The following FGF10 variants were observed in gnomAD, a reference collection of about 807,000 sequenced individuals.
FGF10 encodes the protein fibroblast growth factor 10, also known as FGF-10.
FGF10 carries 2 observed loss-of-function variants against 19.8 expected under a neutral mutation model. That is an observed-to-expected ratio of 0.10 (90% CI 0.04 to 0.32). The LOEUF is 0.32. FGF10 is among the 10% of genes least tolerant of loss of function. FGF10 has a pLI of 1.00. For synonymous variants in FGF10, 112 were observed against 94.0 expected (o/e 1.19, Z -1.10); for missense variants, 191 against 246.3 (o/e 0.78, Z 1.50).
chr5:44,351,783 G>A (rs1009564704), intron 1 of FGF10, among the ~76,000 whole-genome samples: 46 of 151,632 alleles, frequency 3.0e-4, no homozygotes, highest in African/African-American at 1.9e-4. Context: ...GGAGTCAATA[G>A]TTTATGATTC....
intron 1 of FGF10, among the ~76,000 whole-genome samples, chr5:44,349,451 T>TATATATATATATATATATATCAGA (rs1741178685): frequency 2.7e-3 from 45 of 16,702 alleles, no homozygotes; most frequent in Non-Finnish European, 5.0e-3. Flanking sequence ...TATATATATA[T>TATATATATATATATATATATCAGA]ATATATATAT....
intron 1 of FGF10, among the ~76,000 whole-genome samples, chr5:44,381,542 G>A (rs1397807466): frequency 1.3e-5 from 2 of 151,938 alleles, no homozygotes; most frequent in Non-Finnish European, 2.9e-5. Context: ...AACTATTAGG[G>A]ATTTACAATG....
chr5:44,387,222 A>G lies in FGF10; in HGVS notation c.325+1136T>C, dbSNP rs1742120848. On this transcript the variant is annotated intron_variant, in intron 1 of 2. Coordinates refer to ENST00000264664, the MANE Select transcript of FGF10 (RefSeq NM_004465.2). ...AAAGTATCTGAGAAAGGAAGTCAAC[A>G]GAGTAATCTGGGTTTGCTGGGTTGA... is the stretch of plus-strand genomic sequence containing the variant. 3.9e-5 allele frequency among the ~76,000 whole-genome samples: 6 copies of G among 152,360 alleles called. No homozygotes were observed. The South Asian group carries it at 1.2e-3, about 32-fold the overall frequency.
At chr5:44,323,323 T>C (rs1297209512) in intron 1 of FGF10, among the ~76,000 whole-genome samples, 7 of 152,198 alleles carry the variant, frequency 4.6e-5, no homozygotes, top group Non-Finnish European at 8.8e-5. Context: ...TTAGAGAAAG[T>C]ACTTTCATAG....
chr5:44,350,240 T>G, intron 1 of FGF10, among the ~76,000 whole-genome samples: 1 of 150,700 alleles, frequency 6.6e-6, no homozygotes, highest in East Asian at 2.0e-4. Flanking sequence ...TAACTAGAAG[T>G]CAGAATATAA....
intron 1 of FGF10, among the ~76,000 whole-genome samples, chr5:44,379,065 C>T (rs1741932330): frequency 6.6e-6 from 1 of 152,090 alleles, no homozygotes; most frequent in South Asian, 2.1e-4. Context: ...CAAAAGGCTT[C>T]TCTAGCAGTG....
rs2290070 is a variant in FGF10 at position 44,305,207 on chromosome 5, C to G, written c.430-15G>C. ...TTAAATTCTTTCTGCAAAGGAAAAA[C>G]AGAATCTTTTATTCCTATGGTGATT... On this transcript the variant is annotated splice_polypyrimidine_tract_variant and intron_variant, in intron 2 of 2. Coordinates refer to ENST00000264664, the MANE Select transcript of FGF10 (RefSeq NM_004465.2). 323,307 of 1,607,544 alleles carry G rather than the reference C, an allele frequency of 0.2. 35,525 individuals carry two copies. The highest frequency in any genetic ancestry group is 0.41 in the Admixed American group (24,753 of 59,950).
Position 44,301,773 on chromosome 5 carries a change from C to T in FGF10, c.*3222G>A, listed in dbSNP as rs2111653969. ...TTTGGGGCTGTGGGGCATTTAACCA[C>T]ATCCTGCCATGCACACACTTGAGCT... is the stretch of plus-strand genomic sequence containing the variant. On this transcript the variant is annotated 3_prime_UTR_variant, in exon 3 of 3. Transcript: ENST00000264664. 6.6e-6 allele frequency among the ~76,000 whole-genome samples: 1 copy of T among 152,270 alleles called. No homozygotes were observed. Among genetic ancestry groups the T allele is most frequent in the South Asian group, 2.1e-4 (1 of 4,828 alleles).
intron 1 of FGF10, among the ~76,000 whole-genome samples, chr5:44,362,911 T>C (rs1404478700): frequency 3.3e-5 from 5 of 151,742 alleles, no homozygotes; most frequent in Admixed American, 2.0e-4. Context: ...TGTATGATTA[T>C]GTGTTTATGC....
At chr5:44,328,910 A>G (rs1050605901) in intron 1 of FGF10, among the ~76,000 whole-genome samples, 3 of 152,004 alleles carry the variant, frequency 2.0e-5, no homozygotes, top group Non-Finnish European at 4.4e-5. Context: ...AGTTGGGAGG[A>G]TGTTTGAGCC....
At chr5:44,359,390 A>G (rs1490075303) in intron 1 of FGF10, among the ~76,000 whole-genome samples, 1 of 151,532 alleles carries the variant, frequency 6.6e-6, no homozygotes, top group Non-Finnish European at 1.5e-5. Flanking sequence ...ACTCTTCCTG[A>G]CATTTGTCAT....
rs184975668 is a variant in FGF10 at position 44,318,854 on chromosome 5, A to G, written c.326-8324T>C. 8.5e-5 allele frequency among the ~76,000 whole-genome samples: 13 copies of G among 152,298 alleles called. No individual in the cohort carries two copies. The East Asian group carries it at 1.9e-3, about 23-fold the overall frequency. On this transcript the variant is annotated intron_variant, in intron 1 of 2. Coordinates refer to ENST00000264664, the MANE Select transcript of FGF10 (RefSeq NM_004465.2). ...TTCAATCAAAACCTCTGATCAATCT[A>G]ATTTGAGCTAAAATTACTAAATTTA...
intron 1 of FGF10, among the ~76,000 whole-genome samples, chr5:44,319,837 A>T (rs1740441023): frequency 1.3e-5 from 2 of 152,170 alleles, no homozygotes; most frequent in Admixed American, 1.3e-4. Context: ...TATGTAACTC[A>T]GGGGCCTCCA....
intron 2 of FGF10, among the ~76,000 whole-genome samples, chr5:44,305,613 A>G (rs532169862): frequency 1.3e-5 from 2 of 152,264 alleles, no homozygotes; most frequent in South Asian, 2.1e-4. Flanking sequence ...AAGGAAAGAT[A>G]TGGGCTTGTC....
At chr5:44,357,595 T>A (rs530907031) in intron 1 of FGF10, among the ~76,000 whole-genome samples, 21 of 151,408 alleles carry the variant, frequency 1.4e-4, no homozygotes, top group Non-Finnish European at 2.5e-4. Flanking sequence ...GCTCAATAAC[T>A]TGTCTACGGT....
intron 1 of FGF10, among the ~76,000 whole-genome samples, chr5:44,360,794 TA>T (rs547172947): frequency 6.6e-6 from 1 of 151,640 alleles, no homozygotes; most frequent in Non-Finnish European, 1.5e-5. Context: ...ACACTACCAC[TA>T]AAAAGAAGCA....
At chr5:44,388,303 C>A in intron 1 of FGF10, 55 bp downstream of exon 1, 1 of 1,531,364 alleles carries the variant, frequency 6.5e-7, no homozygotes, top group South Asian at 1.1e-5. Flanking sequence ...TTTTCCCCCC[C>A]GTGTGGGCTG....
At chr5:44,335,103 A>G (rs757145335) in intron 1 of FGF10, among the ~76,000 whole-genome samples, 1 of 152,154 alleles carries the variant, frequency 6.6e-6, no homozygotes, top group Non-Finnish European at 1.5e-5. Context: ...AGACAGGAAC[A>G]TATAAATCTG....
At chr5:44,320,450 A>G (rs1421964594) in intron 1 of FGF10, among the ~76,000 whole-genome samples, 1 of 152,248 alleles carries the variant, frequency 6.6e-6, no homozygotes, top group Non-Finnish European at 1.5e-5. Flanking sequence ...GCTTCTTTGA[A>G]GGAGGGAAAG....
Sources: gnomAD v4.1 joint callset for allele counts (sites outside exome capture counted in the v4.1 genomes callset) on GRCh38, gnomAD v4.1.1 for gene constraint, MANE v1.5 for transcripts, NCBI Gene and HGNC (gene_info 2026-07-23, HGNC 2026-07-21) for gene names.